Variants in ZNF391 observed in about 807,000 individuals in gnomAD.
The protein encoded by ZNF391 is zinc finger protein 391.
For synonymous variants in ZNF391, 126 were observed against 142.1 expected (o/e 0.89, Z 0.80); for missense variants, 375 against 425.5 (o/e 0.88, Z 1.04).
At chr6:27,389,123 A>G (rs10807020) in intron 1 of ZNF391, 48 bp downstream of exon 1, 331,347 of 456,368 alleles carry the variant, frequency 0.73, 121,200 homozygotes, top group Middle Eastern at 0.79. Flanking sequence ...GGTTCTTCGA[A>G]GGAAACGGGC....
At position 27,374,963 on chromosome 6, in the gene ZNF391, C is replaced by G. The variant is rs1045369575; in HGVS notation, n.349C>G. On this transcript the variant is annotated non_coding_transcript_exon_variant, in exon 1 of 3. Transcript: ENST00000477999. This position sits in a 1 kb window ranked among gnomAD's most constrained non-coding sequence, Gnocchi z 5.3. ...CGCCCAGTGGCCTGGAGGGCGCGTC[C>G]CGGGCTCCCCTACGCCTTTTGGAAT... is the stretch of plus-strand genomic sequence containing the variant. The G allele has an allele frequency of 1.3e-5, 2 of 152,428 alleles. No homozygotes were observed. Among genetic ancestry groups the G allele is most frequent in the African/African-American group, 4.8e-5 (2 of 41,462 alleles). The allele number at this position is 152,428 out of a possible 1,614,324, so 9.4% of individuals were successfully genotyped here.
upstream of ZNF391, among the ~76,000 whole-genome samples, chr6:27,386,299 G>A (rs1761581148): frequency 6.6e-6 from 1 of 152,124 alleles, no homozygotes; most frequent in Non-Finnish European, 1.5e-5. Context: ...ATGTTCATGG[G>A]TTGGAAGACT....
chr6:27,380,160 G>A (rs1187505597), intron 1 of ZNF391, among the ~76,000 whole-genome samples: 4 of 152,224 alleles, frequency 2.6e-5, no homozygotes, highest in East Asian at 1.9e-4. Context: ...AGAGTGATAT[G>A]TGCCTATAGT....
At chr6:27,383,445 A>G (rs778771611) in intron 1 of ZNF391, among the ~76,000 whole-genome samples, 1 of 152,192 alleles carries the variant, frequency 6.6e-6, no homozygotes, top group Non-Finnish European at 1.5e-5. Flanking sequence ...TTGAGTCACT[A>G]TAACAAATTC....
intron 1 of ZNF391, 187 bp downstream of exon 1, chr6:27,389,262 G>T (rs1026613657): frequency 2.2e-6 from 1 of 456,240 alleles, no homozygotes; most frequent in African/African-American, 2.0e-5. Context: ...GTCCCTCTGC[G>T]GCAGTGACAG....
chr6:27,402,044 A>G lies in ZNF391; in HGVS notation c.*597A>G, dbSNP rs1761983078. The G allele has an allele frequency of 6.6e-6, 1 of 152,186 alleles. No homozygotes were observed. The highest frequency in any genetic ancestry group is 2.4e-5 in the African/African-American group (1 of 41,438). 9.4% of individuals were successfully genotyped at this position (152,186 alleles called of 1,614,324 possible). A position where few individuals can be genotyped will look rare whatever the true frequency, so the allele number is the denominator to read the frequency against. ...TGACTTGCAAAAACAGATTTTTCTC[A>G]TCTTCCTCCTTCTCTCACCTTTTTT... On this transcript the variant is annotated 3_prime_UTR_variant, in exon 3 of 3. Transcript: ENST00000244576.
chr6:27,387,033 T>C (rs543449480), upstream of ZNF391, among the ~76,000 whole-genome samples: 4 of 152,114 alleles, frequency 2.6e-5, no homozygotes, highest in East Asian at 7.7e-4. Flanking sequence ...AATTCAAAAA[T>C]AGGCAAAGGA....
chr6:27,392,558 C>T (rs1761737476), intron 1 of ZNF391, among the ~76,000 whole-genome samples: 1 of 152,174 alleles, frequency 6.6e-6, no homozygotes, highest in African/African-American at 2.4e-5. Flanking sequence ...GACTTTACTC[C>T]ATCGGTTACA....
At chr6:27,394,325 A>G (rs1409501989) in intron 1 of ZNF391, among the ~76,000 whole-genome samples, 1 of 152,206 alleles carries the variant, frequency 6.6e-6, no homozygotes, top group Non-Finnish European at 1.5e-5. Context: ...CTGCTCCTAA[A>G]TCCTGGTTGC....
At chr6:27,375,036 A>C (rs146796613) in exon 1 of ZNF391, 162 of 152,524 alleles carry the variant, frequency 1.1e-3, no homozygotes, top group African/African-American at 3.7e-3. Flanking sequence ...CCACCTCTCC[A>C]GGGCTCCCCA....
rs562149650 is a variant in ZNF391, at chr6:27,376,948, T to C, written n.523+1811T>C. Among the ~76,000 whole-genome samples, 1 of 152,338 alleles carries C rather than the reference T, an allele frequency of 6.6e-6. No individual in the cohort carries two copies. Among genetic ancestry groups the C allele is most frequent in the African/African-American group, 2.4e-5 (1 of 41,580 alleles). ...CTCCTGCCTTGAGATTATTCCTAAGTGGCTCCTTCCACCCATTGTTATGAA... is the reference window on the plus strand; with the variant it reads ...CTCCTGCCTTGAGATTATTCCTAAGCGGCTCCTTCCACCCATTGTTATGAA... On this transcript the variant is annotated intron_variant and non_coding_transcript_variant, in intron 1 of 2. Coordinates refer to the ZNF391 transcript ENST00000477999. The surrounding 1 kb of genome is among the most constrained non-coding windows in gnomAD (Gnocchi z 4.7).
intron 1 of ZNF391, among the ~76,000 whole-genome samples, chr6:27,380,099 C>T (rs1246359218): frequency 2.0e-5 from 3 of 152,182 alleles, no homozygotes; most frequent in Non-Finnish European, 4.4e-5. Flanking sequence ...AGTTAAAGAC[C>T]AGTCTGGGCA....
chr6:27,392,130 C>T (rs73738764), intron 1 of ZNF391, among the ~76,000 whole-genome samples: 1,968 of 152,284 alleles, frequency 0.013, 22 homozygotes, highest in African/African-American at 0.033. Flanking sequence ...ATATAGCTAC[C>T]AATGGAGCTA....
intron 1 of ZNF391, among the ~76,000 whole-genome samples, chr6:27,391,888 G>A (rs1189562130): frequency 2.0e-5 from 3 of 152,082 alleles, no homozygotes; most frequent in African/African-American, 4.8e-5. Context: ...TTCTTGAATG[G>A]TTTCATCTGA....
At chr6:27,378,028 A>C (rs907397124) in intron 1 of ZNF391, among the ~76,000 whole-genome samples, 2 of 152,262 alleles carry the variant, frequency 1.3e-5, no homozygotes, top group South Asian at 4.1e-4. Flanking sequence ...AAACTTCACA[A>C]GACTGTGTAC....
In ZNF391 at chr6:27,403,306, ACTTTT is replaced by A. The variant is rs1392768811; in HGVS notation, c.*1863_*1867del. 1 of 152,016 alleles carries A rather than the reference ACTTTT, an allele frequency of 6.6e-6. No homozygotes were observed. Among genetic ancestry groups the A allele is most frequent in the Non-Finnish European group, 1.5e-5 (1 of 68,002 alleles). The allele number at this position is 152,016 out of a possible 1,614,324, so 9.4% of individuals were successfully genotyped here. The stretch of plus-strand genomic sequence containing the variant: ...TGTCCCTACTATACCCTCTTCTCAC[ACTTTT>A]CTTCTTTTCAAACTGTTCCTTGGCA... On this transcript the variant is annotated 3_prime_UTR_variant, in exon 3 of 3. Transcript: ENST00000244576.
chr6:27,376,351 AG>A lies in ZNF391; in HGVS notation n.523+1216del, dbSNP rs1446500896. 6.6e-6 allele frequency among the ~76,000 whole-genome samples: 1 copy of A among 152,256 alleles called. No homozygotes were observed. The highest frequency in any genetic ancestry group is 1.9e-4 in the East Asian group (1 of 5,206). On this transcript the variant is annotated intron_variant and non_coding_transcript_variant, in intron 1 of 2. Coordinates refer to the ZNF391 transcript ENST00000477999. This position sits in a 1 kb window ranked among gnomAD's most constrained non-coding sequence, Gnocchi z 4.7. ...AAGGTCATTCACTTGATTTGGCTAC[AG>A]GAGCACATATTCTTAATTGCTGTAG...
At chr6:27,387,883 A>C (rs960019151), upstream of ZNF391, among the ~76,000 whole-genome samples, 3 of 152,240 alleles carry the variant, frequency 2.0e-5, no homozygotes, top group African/African-American at 7.2e-5. Flanking sequence ...AGTTTACCAC[A>C]GTTTGAAAGT....
chr6:27,388,860 C>T lies in ZNF391; in HGVS notation c.-403C>T. 3 of 453,468 alleles carry T rather than the reference C, an allele frequency of 6.6e-6. No homozygotes were observed. Among genetic ancestry groups the T allele is most frequent in the South Asian group, 4.7e-5 (3 of 64,008 alleles). 28.1% of individuals were successfully genotyped at this position (453,468 alleles called of 1,614,324 possible). On this transcript the variant is annotated 5_prime_UTR_variant, in exon 1 of 3. An upstream open reading frame in the 5' UTR gains an earlier in-frame stop. Coordinates refer to ENST00000244576, the MANE Select transcript of ZNF391 (RefSeq NM_001076781.3). ...TCCCGCATACCGAGCAGAGCATGAT[C>T]AGCAGCAGTCTGAGTGGAAGAGTGC...
Sources: allele counts gnomAD v4.1 joint callset (sites outside exome capture counted in the v4.1 genomes callset), GRCh38; gene constraint gnomAD v4.1.1; non-coding constraint Gnocchi (gnomAD v3.1); transcripts MANE v1.5; gene names NCBI Gene and HGNC (gene_info 2026-07-23, HGNC 2026-07-21).